ACSF3: variants seen among roughly 807,000 people sequenced by gnomAD.
ACSF3 encodes the protein acyl-CoA synthetase family member 3.
In ACSF3, 78 loss-of-function variants were observed where a neutral mutation model predicts 53.2. The ratio of observed to expected loss-of-function variants is 1.47; its 90% CI spans 1.22 to 1.77. The LOEUF is 1.77. Among genes scored for constraint, ACSF3 ranks in the 40% most tolerant of loss-of-function variants. The pLI is 0.00. For missense variants in ACSF3, 937 were observed against 771.1 expected, an observed-to-expected ratio of 1.22 and a Z score of -2.55; for synonymous variants, 414 against 333.1, an observed-to-expected ratio of 1.24 and a Z score of -2.65.
chr16:89,137,180 C>T (rs1055251058), intron 8 of ACSF3, among the ~76,000 whole-genome samples: 1 of 152,208 alleles, frequency 6.6e-6, no homozygotes, highest in Non-Finnish European at 1.5e-5. Context: ...TCTTAGGCTC[C>T]AGCCGGGTGA....
chr16:89,117,387 A>G (rs1278839085), intron 6 of ACSF3, among the ~76,000 whole-genome samples: 1 of 152,140 alleles, frequency 6.6e-6, no homozygotes, highest in African/African-American at 2.4e-5. Context: ...CCCTCACTAG[A>G]GAAGATGGAC....
At position 89,155,992 on chromosome 16, in the gene ACSF3, C is replaced by T. The variant is rs1321293778; in HGVS notation, c.*1785C>T. 2 of 360,068 alleles carry T rather than the reference C, an allele frequency of 5.6e-6. No homozygotes were observed. The highest frequency in any genetic ancestry group is 3.8e-5 in the Admixed American group (1 of 26,514). 22.3% of individuals were successfully genotyped at this position (360,068 alleles called of 1,614,324 possible). A position where few individuals can be genotyped will look rare whatever the true frequency, so the allele number is the denominator to read the frequency against. On this transcript the variant is annotated 3_prime_UTR_variant, in exon 11 of 11. Transcript: ENST00000614302. ...CACAAACTACAGAAAGCCTGGAGCT[C>T]GTTGACCAGCCGGTTGACCAGAATA... is the stretch of plus-strand genomic sequence containing the variant.
chr16:89,096,527 T>C (rs1425962514), intron 1 of ACSF3, among the ~76,000 whole-genome samples: 2 of 152,218 alleles, frequency 1.3e-5, no homozygotes, highest in Admixed American at 6.5e-5. Context: ...GGGCACTTCA[T>C]TGTCCCAAGC....
Position 89,120,816 on chromosome 16 carries a change from C to T in ACSF3, c.1142C>T (p.Pro381Leu). 1 of 1,614,086 alleles carries T rather than the reference C, an allele frequency of 6.2e-7. No individual in the cohort carries two copies. The highest frequency in any genetic ancestry group is 8.5e-7 in the Non-Finnish European group (1 of 1,179,954). The change falls in exon 7 of 11, where the codon CCA becomes CTA. Residue 381 changes from proline to leucine, a missense_variant. Transcript: ENST00000614302. The stretch of plus-strand genomic sequence containing the variant: ...TCTCCTGTAGGTTCCGTGGGGACCC[C>T]ACTGCCTGGAGTACAGGTGCGCATT... ...AVRLPGSVGT[P>L]LPGVQVRIVS...
intron 6 of ACSF3, among the ~76,000 whole-genome samples, chr16:89,116,787 G>A (rs1005742872): frequency 1.1e-4 from 16 of 152,068 alleles, no homozygotes; most frequent in Non-Finnish European, 2.2e-4. Context: ...GCCGGCTCCC[G>A]CGTTAGTCTC....
rs774119997 is a variant in ACSF3 at position 89,101,391 on chromosome 16, C to T, written c.666+44C>T. 6.4e-6 allele frequency: 10 copies of T among 1,550,798 alleles called. No individual in the cohort carries two copies. The Admixed American group carries it at 2.0e-4, about 30-fold the overall frequency. On this transcript the variant is annotated intron_variant, in intron 3 of 10. Transcript: ENST00000614302. ...CGTGATGGTTTCGGTGACCGCACAG[C>T]ACTCCGGGTGGGCTCCGGGCCAGAA... is the stretch of plus-strand genomic sequence containing the variant.
intron 1 of ACSF3, among the ~76,000 whole-genome samples, chr16:89,097,487 A>C (rs1224967075): frequency 6.6e-6 from 1 of 152,222 alleles, no homozygotes; most frequent in Non-Finnish European, 1.5e-5. Flanking sequence ...TCGGGGCCGT[A>C]ACCCAGAGCA....
chr16:89,095,754 C>T (rs1296505452), intron 1 of ACSF3, among the ~76,000 whole-genome samples: 1 of 152,230 alleles, frequency 6.6e-6, no homozygotes, highest in Non-Finnish European at 1.5e-5. Context: ...ACGGCGCGGC[C>T]GTTTGTCTTC....
At chr16:89,142,117 G>A (rs770093496) in intron 8 of ACSF3, among the ~76,000 whole-genome samples, 3 of 152,112 alleles carry the variant, frequency 2.0e-5, no homozygotes, top group Non-Finnish European at 2.9e-5. Context: ...AGTGGAAACC[G>A]TGCGTGCAGC....
chr16:89,154,847 G>A lies in ACSF3; in HGVS notation c.*640G>A, dbSNP rs758962875. ...TCCATCAGCATGTGTCACAGAAAGT[G>A]CGTGGACGGATGGCCCCGGAGCTGC... On this transcript the variant is annotated 3_prime_UTR_variant, in exon 11 of 11. Transcript: ENST00000614302. 4.4e-6 allele frequency: 2 copies of A among 454,030 alleles called. No homozygotes were observed. The highest frequency in any genetic ancestry group is 2.0e-5 in the African/African-American group (1 of 50,006). 28.1% of individuals were successfully genotyped at this position (454,030 alleles called of 1,614,324 possible).
chr16:89,139,057 C>T (rs1453921143), intron 8 of ACSF3, among the ~76,000 whole-genome samples: 1 of 152,246 alleles, frequency 6.6e-6, no homozygotes, highest in Non-Finnish European at 1.5e-5. Context: ...GCTTGAGTCC[C>T]GCAGAGGAGG....
chr16:89,094,298 G>A (rs2151381117), intron 1 of ACSF3, among the ~76,000 whole-genome samples: 1 of 152,296 alleles, frequency 6.6e-6, no homozygotes, highest in Non-Finnish European at 1.5e-5. Context: ...AGAACGAATC[G>A]TCTTTGGTTG....
chr16:89,098,357 T>C (rs1974863001), intron 1 of ACSF3, among the ~76,000 whole-genome samples: 1 of 152,214 alleles, frequency 6.6e-6, no homozygotes, highest in Admixed American at 6.5e-5. Flanking sequence ...GAGAACCTGC[T>C]GAACATGGGC....
chr16:89,125,346 A>AT (rs1555570873), intron 7 of ACSF3, among the ~76,000 whole-genome samples: 28 of 149,312 alleles, frequency 1.9e-4, no homozygotes, highest in East Asian at 2.0e-4. Flanking sequence ...TCTGTCTCAA[A>AT]AAAAAAAAAA....
chr16:89,146,554 G>T (rs889241745), intron 10 of ACSF3, among the ~76,000 whole-genome samples: 2 of 152,296 alleles, frequency 1.3e-5, no homozygotes, highest in Admixed American at 1.3e-4. Flanking sequence ...TCCCTCTCCT[G>T]CCCTGGGGGT....
Position 89,142,625 on chromosome 16 carries a change from A to G in ACSF3, c.1367-2642A>G, listed in dbSNP as rs538703702. Among the ~76,000 whole-genome samples, 3 of 150,618 alleles carry G rather than the reference A, an allele frequency of 2.0e-5. No individual in the cohort carries two copies. The East Asian group carries it at 5.9e-4, about 29-fold the overall frequency. On this transcript the variant is annotated intron_variant, in intron 8 of 10. Coordinates refer to ENST00000614302, the MANE Select transcript of ACSF3 (RefSeq NM_001243279.3). ...CCTGCAGACACACCCACACCTGCAG[A>G]CACCTACACCTGCAGGCACACCCAC...
At chr16:89,100,412 G>C (rs1198771736) in intron 2 of ACSF3, among the ~76,000 whole-genome samples, 1 of 152,186 alleles carries the variant, frequency 6.6e-6, no homozygotes, top group African/African-American at 2.4e-5. Context: ...TCATTGTTTA[G>C]AATTTTGTGT....
intron 8 of ACSF3, chr16:89,141,218 C>T: frequency 2.3e-6 from 3 of 1,287,234 alleles, no homozygotes; most frequent in Admixed American, 2.3e-5. Flanking sequence ...ATAGCAGCGT[C>T]CCAGCCTGGA....
intron 4 of ACSF3, among the ~76,000 whole-genome samples, chr16:89,108,180 C>T (rs1976243632): frequency 6.6e-6 from 1 of 152,206 alleles, no homozygotes; most frequent in South Asian, 2.1e-4. Flanking sequence ...CGTGGGAATT[C>T]TGGGAGATAC....
Sources: allele counts gnomAD v4.1 joint callset (sites outside exome capture counted in the v4.1 genomes callset), GRCh38; gene constraint gnomAD v4.1.1; transcripts MANE v1.5; gene names NCBI Gene and HGNC (gene_info 2026-07-23, HGNC 2026-07-21).